CD86: variants seen among roughly 807,000 people sequenced by gnomAD.
The protein encoded by CD86 is CD86 molecule.
Under a neutral mutation model 32.1 loss-of-function variants are expected in CD86, and 11 were observed. The observed-to-expected ratio is 0.34, with a 90% CI of 0.22 to 0.57. CD86 has a LOEUF of 0.57. Ranked by LOEUF, CD86 falls within the 20% of genes least tolerant of loss-of-function variation. CD86 has a pLI of 0.86. For missense variants in CD86, 359 were observed against 398.4 expected, an observed-to-expected ratio of 0.90 and a Z score of 0.84; for synonymous variants, 137 against 135.3, an observed-to-expected ratio of 1.01 and a Z score of -0.09.
intron 5 of CD86, among the ~76,000 whole-genome samples, chr3:122,115,740 C>CAAA (rs769868417): frequency 0.03 from 816 of 27,518 alleles, 102 homozygotes; most frequent in South Asian, 0.046. Flanking sequence ...AACTCCCTCT[C>CAAA]AAAAAAAAAA....
chr3:122,099,760 T>C (rs2072967561), intron 2 of CD86, among the ~76,000 whole-genome samples: 2 of 152,288 alleles, frequency 1.3e-5, no homozygotes, highest in Admixed American at 6.5e-5. Flanking sequence ...TTAAATAAGA[T>C]TAAAAATTCA....
chr3:122,084,411 C>T (rs187387769), intron 1 of CD86, among the ~76,000 whole-genome samples: 1 of 152,220 alleles, frequency 6.6e-6, no homozygotes, highest in Non-Finnish European at 1.5e-5. Context: ...AGCTGTTCAA[C>T]TCTTCCATTG....
intron 4 of CD86, among the ~76,000 whole-genome samples, chr3:122,107,910 C>T (rs1014261220): frequency 3.3e-5 from 5 of 152,238 alleles, no homozygotes; most frequent in African/African-American, 9.6e-5. Flanking sequence ...GGAGCCAACT[C>T]GTCCTGTCCC....
At chr3:122,088,181 T>G (rs941799992) in intron 1 of CD86, among the ~76,000 whole-genome samples, 2 of 135,864 alleles carry the variant, frequency 1.5e-5, no homozygotes, top group African/African-American at 5.6e-5. Context: ...CAAAGGGCCC[T>G]CTTTTTTTTT....
chr3:122,087,560 T>A lies in CD86; in HGVS notation c.15-4041T>A, dbSNP rs1280795077. ...AGAGAAATTCTTCATATGGGGCACT[T>A]GTACTTCATGAAAGAAAATCATATC... is the stretch of plus-strand genomic sequence containing the variant. On this transcript the variant is annotated intron_variant, in intron 1 of 6. Coordinates refer to ENST00000330540, the MANE Select transcript of CD86 (RefSeq NM_175862.5). Among the ~76,000 whole-genome samples, 5 of 152,168 alleles carry A rather than the reference T, an allele frequency of 3.3e-5. No individual in the cohort carries two copies. The East Asian group carries it at 9.6e-4, about 29-fold the overall frequency.
chr3:122,088,182 CTTT>C (rs60476471), intron 1 of CD86, among the ~76,000 whole-genome samples: 8 of 113,320 alleles, frequency 7.1e-5, no homozygotes, highest in Admixed American at 1.8e-4. Flanking sequence ...AAAGGGCCCT[CTTT>C]TTTTTTTTTT....
intron 1 of CD86, among the ~76,000 whole-genome samples, chr3:122,085,996 A>T (rs1035739132): frequency 2.6e-5 from 4 of 152,312 alleles, no homozygotes; most frequent in Middle Eastern, 3.4e-3. Context: ...TGCTTTGCTC[A>T]GGGTAAGAAC....
chr3:122,059,136 G>C (rs896349014), intron 1 of CD86, among the ~76,000 whole-genome samples: 2 of 152,130 alleles, frequency 1.3e-5, no homozygotes, highest in South Asian at 2.1e-4. Context: ...AAGCAGACAA[G>C]TAGATATTTA....
rs571805253 is a variant in CD86, at chr3:122,120,223, T to A, written c.*689T>A. ...GAGATAGAACCTGGAGCCACTTCTA[T>A]CTGGGCTGTTGCTAATATTGAGGAG... is the stretch of plus-strand genomic sequence containing the variant. On this transcript the variant is annotated 3_prime_UTR_variant, in exon 7 of 7. Coordinates refer to ENST00000330540, the MANE Select transcript of CD86 (RefSeq NM_175862.5). 7 of 152,364 alleles carry A rather than the reference T, an allele frequency of 4.6e-5. No homozygotes were observed. The highest frequency in any genetic ancestry group is 1.7e-4 in the African/African-American group (7 of 41,556). The allele number at this position is 152,364 out of a possible 1,614,324, so 9.4% of individuals were successfully genotyped here.
At chr3:122,112,463 C>T (rs1252280542) in intron 5 of CD86, among the ~76,000 whole-genome samples, 3 of 152,026 alleles carry the variant, frequency 2.0e-5, no homozygotes, top group South Asian at 2.1e-4. Context: ...ACTACAGGCA[C>T]GTGCCACCAA....
In CD86 at chr3:122,091,615, G is replaced by A. The variant is rs745767119; in HGVS notation, c.29G>A (p.Ser10Asn). 1 of 1,612,666 alleles carries A rather than the reference G, an allele frequency of 6.2e-7. No individual in the cohort carries two copies. Among genetic ancestry groups the A allele is most frequent in the Non-Finnish European group, 8.5e-7 (1 of 1,178,946 alleles). The change falls in exon 2 of 7, where the codon AGT becomes AAT. Residue 10 changes from serine to asparagine, a missense_variant. By Grantham distance (46) the Ser-to-Asn change is conservative (BLOSUM62 1). Transcript: ENST00000330540. MDPQCTMGL[S>N]NILFVMAFLL... is the part of the protein sequence containing the mutation. ...CTCGACTCTAGCACTATGGGACTGA[G>A]TAACATTCTCTTTGTGATGGCCTTC...
intron 5 of CD86, among the ~76,000 whole-genome samples, chr3:122,111,923 A>G (rs1471691905): frequency 1.8e-4 from 27 of 152,250 alleles, no homozygotes; most frequent in Admixed American, 1.6e-3. Flanking sequence ...CTATGCCTCA[A>G]CTGTATATAT....
At chr3:122,109,452 T>C (rs1170613834) in intron 5 of CD86, 44 bp downstream of exon 5, 6 of 1,608,990 alleles carry the variant, frequency 3.7e-6, no homozygotes. Flanking sequence ...ACTTTGCACC[T>C]ACTTCCCAAT....
At position 122,055,424 on chromosome 3, in the gene CD86, A is replaced by T; in HGVS notation, c.-66A>T. On this transcript the variant is annotated 5_prime_UTR_variant, in exon 1 of 7. Transcript: ENST00000330540. ...TTGCTTCTCTGCTGCTGTAACAGGG[A>T]CTAGCACAGACACACGGATGAGTGG... is the stretch of plus-strand genomic sequence containing the variant. 2.0e-6 allele frequency: 3 copies of T among 1,517,530 alleles called. No individual in the cohort carries two copies. Among genetic ancestry groups the T allele is most frequent in the Non-Finnish European group, 2.7e-6 (3 of 1,092,156 alleles). The allele number at this position is 1,517,530 out of a possible 1,614,324, so 94.0% of individuals were successfully genotyped here.
At chr3:122,068,482 C>T (rs1576759338) in intron 1 of CD86, among the ~76,000 whole-genome samples, 1 of 152,084 alleles carries the variant, frequency 6.6e-6, no homozygotes, top group Non-Finnish European at 1.5e-5. Flanking sequence ...GACAGTTTCT[C>T]AGAATACGTA....
chr3:122,075,916 G>A (rs1265426784), intron 1 of CD86, among the ~76,000 whole-genome samples: 2 of 152,112 alleles, frequency 1.3e-5, no homozygotes, highest in Admixed American at 6.5e-5. Flanking sequence ...CCATATATAT[G>A]CCATGTTATT....
intron 1 of CD86, among the ~76,000 whole-genome samples, chr3:122,056,374 C>T (rs537505612): frequency 9.9e-5 from 15 of 152,108 alleles, no homozygotes; most frequent in Admixed American, 4.6e-4. Flanking sequence ...CTCGCTCTGT[C>T]GCCAAGCTGG....
rs557967587 is a variant in CD86 at position 122,061,552 on chromosome 3, A to G, written c.14+6049A>G. Among the ~76,000 whole-genome samples the G allele has an allele frequency of 9.8e-5, 15 of 152,362 alleles. No homozygotes were observed. The East Asian group carries it at 1.2e-3, about 12-fold the overall frequency. ...CCAATCAGAAAAATGGGCAAAAGAT[A>G]TAAAAAGACATTTCCCCAAAGAAAA... On this transcript the variant is annotated intron_variant, in intron 1 of 6. Coordinates refer to ENST00000330540, the MANE Select transcript of CD86 (RefSeq NM_175862.5).
chr3:122,099,453 GAGGTGAACC>G (rs1407434788), intron 2 of CD86, among the ~76,000 whole-genome samples: 1 of 152,192 alleles, frequency 6.6e-6, no homozygotes, highest in Non-Finnish European at 1.5e-5. Context: ...TGAAGTAATG[GAGGTGAACC>G]AGGTGAATAG....
Sources: allele counts gnomAD v4.1 joint callset (sites outside exome capture counted in the v4.1 genomes callset), GRCh38; gene constraint gnomAD v4.1.1; transcripts MANE v1.5; gene names NCBI Gene and HGNC (gene_info 2026-07-23, HGNC 2026-07-21).